Variants in ARL9 observed in about 807,000 individuals in gnomAD.
The protein encoded by ARL9 is ADP-ribosylation factor-like protein 9.
Under a neutral mutation model 27.0 loss-of-function variants are expected in ARL9, and 14 were observed. The ratio of observed to expected loss-of-function variants is 0.52; its 90% CI spans 0.34 to 0.81. The LOEUF (loss-of-function observed/expected upper bound fraction) is 0.81. Ranked by LOEUF, ARL9 falls within the 30% of genes least tolerant of loss-of-function variation. ARL9 has a pLI of 0.01. For synonymous variants in ARL9, 106 were observed against 108.7 expected (o/e 0.98, Z 0.15); for missense variants, 294 against 290.0 (o/e 1.01, Z -0.10).
intron 2 of ARL9, among the ~76,000 whole-genome samples, chr4:56,512,198 T>C (rs1721654657): frequency 6.6e-6 from 1 of 152,244 alleles, no homozygotes; most frequent in African/African-American, 2.4e-5. Flanking sequence ...TAGATTATTA[T>C]AGTCACCTTT....
chr4:56,505,687 C>A, upstream of ARL9: 1 of 1,111,674 alleles, frequency 9.0e-7, no homozygotes, highest in Non-Finnish European at 1.2e-6. Flanking sequence ...AGCCCTGCAT[C>A]CGCGAGGTAA....
At chr4:56,523,560 A>C (rs2110158263) in intron 3 of ARL9, 137 bp from the exon 4 acceptor site, 1 of 651,016 alleles carries the variant, frequency 1.5e-6, no homozygotes, top group East Asian at 2.8e-5. Flanking sequence ...CTGGGCTCAT[A>C]ATAATGGAGT....
At chr4:56,521,299 A>G (rs1408081401) in intron 3 of ARL9, among the ~76,000 whole-genome samples, 1 of 152,198 alleles carries the variant, frequency 6.6e-6, no homozygotes, top group East Asian at 1.9e-4. Flanking sequence ...ACAAAGATTT[A>G]GAAGATCATG....
At chr4:56,517,289 C>A (rs1721792295) in intron 2 of ARL9, among the ~76,000 whole-genome samples, 1 of 152,112 alleles carries the variant, frequency 6.6e-6, no homozygotes, top group Non-Finnish European at 1.5e-5. Context: ...AGAAAGGAAG[C>A]CAAAGGAAAG....
intron 3 of ARL9, among the ~76,000 whole-genome samples, chr4:56,519,970 G>A (rs1261795090): frequency 6.6e-6 from 1 of 151,550 alleles, no homozygotes; most frequent in Non-Finnish European, 1.5e-5. Context: ...AGCCTCCCAA[G>A]TGGCTAGGAT....
At chr4:56,517,018 C>T (rs749786979) in intron 2 of ARL9, among the ~76,000 whole-genome samples, 13 of 152,096 alleles carry the variant, frequency 8.5e-5, no homozygotes, top group African/African-American at 1.2e-4. Flanking sequence ...GTATTGGTAC[C>T]AACTTCTTTG....
At chr4:56,522,335 C>T (rs1049931746) in intron 3 of ARL9, among the ~76,000 whole-genome samples, 4 of 151,502 alleles carry the variant, frequency 2.6e-5, no homozygotes, top group Admixed American at 6.6e-5. Flanking sequence ...GCAGGGGAAT[C>T]GCTTGAACCT....
intron 3 of ARL9, 69 bp downstream of exon 3, chr4:56,518,922 C>A: frequency 7.2e-7 from 1 of 1,383,768 alleles, no homozygotes; most frequent in Non-Finnish European, 9.9e-7. Context: ...ACTTTTAATA[C>A]CTAGATAGTC....
chr4:56,506,168 T>G, intron 1 of ARL9, 27 bp downstream of exon 1: 1 of 1,233,040 alleles, frequency 8.1e-7, no homozygotes, highest in Non-Finnish European at 1.0e-6. Flanking sequence ...CCAGGACCCC[T>G]TGCCCCAAGG....
rs141534373 is a variant in ARL9 at position 56,515,951 on chromosome 4, A to C, written c.443-2727A>C. 1.9e-3 allele frequency among the ~76,000 whole-genome samples: 289 copies of C among 152,338 alleles called. 3 individuals carry two copies. The highest frequency in any genetic ancestry group is 6.8e-3 in the African/African-American group (282 of 41,590). On this transcript the variant is annotated intron_variant, in intron 2 of 3. Transcript: ENST00000640821. ...AAAAAGAGTTTGACAAGCTGAGGCTAAAATTTACATGGGTGAGCAAAGGGG... is the reference window on the plus strand; with the variant it reads ...AAAAAGAGTTTGACAAGCTGAGGCTCAAATTTACATGGGTGAGCAAAGGGG...
chr4:56,522,997 C>T (rs570168081), intron 3 of ARL9, among the ~76,000 whole-genome samples: 335 of 152,104 alleles, frequency 2.2e-3, no homozygotes, highest in Non-Finnish European at 3.8e-3. Flanking sequence ...TCATATAGAC[C>T]TAAAACAATA....
chr4:56,513,173 A>G (rs1287094317), intron 2 of ARL9, among the ~76,000 whole-genome samples: 3 of 152,240 alleles, frequency 2.0e-5, no homozygotes, highest in Non-Finnish European at 4.4e-5. Flanking sequence ...GTAAATTTTC[A>G]TAATGCCACA....
chr4:56,523,929 T>A lies in ARL9; in HGVS notation c.*53T>A. ...CGACTGAGATGTCATCAGTGTTGAA[T>A]GGCAGGCTTGAAGCCAAAGGTTTCC... is the stretch of plus-strand genomic sequence containing the variant. On this transcript the variant is annotated 3_prime_UTR_variant, in exon 4 of 4. Coordinates refer to ENST00000640821, the MANE Select transcript of ARL9 (RefSeq NM_001363794.2). 1.3e-6 allele frequency: 2 copies of A among 1,516,640 alleles called. No individual in the cohort carries two copies. The highest frequency in any genetic ancestry group is 1.8e-6 in the Non-Finnish European group (2 of 1,127,590). The allele number at this position is 1,516,640 out of a possible 1,614,324, so 93.9% of individuals were successfully genotyped here. A position where few individuals can be genotyped will look rare whatever the true frequency, so the allele number is the denominator to read the frequency against.
rs1054951485 is a variant in ARL9 at position 56,521,909 on chromosome 4, G to A, written c.619-1788G>A. ...ACAATTATCTTTTCCAGCATCTGGT[G>A]GCTTATCATTTTACTTTGCTTACTT... On this transcript the variant is annotated intron_variant, in intron 3 of 3. Transcript: ENST00000640821. 8.6e-5 allele frequency among the ~76,000 whole-genome samples: 13 copies of A among 151,808 alleles called. No homozygotes were observed. The East Asian group carries it at 1.9e-3, about 23-fold the overall frequency.
At position 56,518,727 on chromosome 4, in the gene ARL9, G is replaced by A. The variant is rs750960797; in HGVS notation, c.492G>A (p.Lys164=). Residue 164 remains lysine (K), a synonymous_variant, in exon 3 of 4, where the codon AAG becomes AAA. Transcript: ENST00000640821. ...FRSYWEMYLS[K]GLLLIFVVDS... is the part of the protein sequence containing the mutation. Reference sequence around the variant, plus strand: ...CCTACTGGGAAATGTACCTATCCAAGGGATTGCTGCTGATCTTTGTGGTGG... The same window carrying A: ...CCTACTGGGAAATGTACCTATCCAAAGGATTGCTGCTGATCTTTGTGGTGG... 5 of 1,613,942 alleles carry A rather than the reference G, an allele frequency of 3.1e-6. No individual in the cohort carries two copies. In the Admixed American group the frequency reaches 5.0e-5, roughly 16 times the overall value.
chr4:56,510,380 G>T (rs1475924347), intron 1 of ARL9, among the ~76,000 whole-genome samples: 1 of 148,794 alleles, frequency 6.7e-6, no homozygotes, highest in Non-Finnish European at 1.5e-5. Flanking sequence ...AAGTATAAGA[G>T]GGAAACCTTG....
chr4:56,505,703 G>T, upstream of ARL9: 2 of 1,242,592 alleles, frequency 1.6e-6, no homozygotes, highest in South Asian at 1.7e-5. Context: ...GGTAAGCGGC[G>T]GTTGGCGGCG....
At chr4:56,518,285 C>G (rs1464504197) in intron 2 of ARL9, among the ~76,000 whole-genome samples, 1 of 152,178 alleles carries the variant, frequency 6.6e-6, no homozygotes, top group African/African-American at 2.4e-5. Context: ...AGTCCTCCTG[C>G]CTCAGCCTCC....
chr4:56,518,037 A>G (rs1340654305), intron 2 of ARL9, among the ~76,000 whole-genome samples: 2 of 151,144 alleles, frequency 1.3e-5, no homozygotes, highest in African/African-American at 4.9e-5. Flanking sequence ...TGGGGGTCTC[A>G]CTCTGGAGTG....
Sources: gnomAD v4.1 joint callset for allele counts (sites outside exome capture counted in the v4.1 genomes callset) on GRCh38, gnomAD v4.1.1 for gene constraint, MANE v1.5 for transcripts, NCBI Gene and HGNC (gene_info 2026-07-23, HGNC 2026-07-21) for gene names.